TPTE: variants seen among roughly 807,000 people sequenced by gnomAD.
TPTE encodes putative tyrosine-protein phosphatase TPTE.
Under a neutral mutation model 84.1 loss-of-function variants are expected in TPTE, and 59 were observed. That is an observed-to-expected ratio of 0.70 (90% CI 0.57 to 0.87). The LOEUF is 0.87. TPTE is among the 40% of genes least tolerant of loss of function. The pLI is 0.00. For missense variants in TPTE, 382 were observed against 659.6 expected (o/e 0.58, Z 4.61); for synonymous variants, 130 against 223.5 (o/e 0.58, Z 3.73).
At chr21:10,536,825 A>ACCT (rs1397504129) in intron 3 of TPTE, among the ~76,000 whole-genome samples, 2 of 152,310 alleles carry the variant, frequency 1.3e-5, no homozygotes, top group African/African-American at 2.4e-5. Context: ...CATACTTAGG[A>ACCT]AAGTCAGATT....
At chr21:10,542,570 TC>T in intron 6 of TPTE, 122 bp downstream of exon 6, 1 of 1,235,638 alleles carries the variant, frequency 8.1e-7, no homozygotes, top group Non-Finnish European at 1.2e-6. Flanking sequence ...CATTCATCCA[TC>T]CATCCATCCA....
At chr21:10,572,450 C>CAAAAAAAAAAAAAAAAAAAAAAAAAA (rs58796102) in intron 14 of TPTE, among the ~76,000 whole-genome samples, 1 of 131,986 alleles carries the variant, frequency 7.6e-6, no homozygotes, top group African/African-American at 2.8e-5. Context: ...AGACTGTATC[C>CAAAAAAAAAAAAAAAAAAAAAAAAAA]AAAAAAAAAA....
At chr21:10,599,987 T>A (rs1236116578) in intron 21 of TPTE, among the ~76,000 whole-genome samples, 1 of 152,306 alleles carries the variant, frequency 6.6e-6, no homozygotes. Context: ...TTATTTTTCA[T>A]AGAGGCTGGG....
chr21:10,522,282 C>T (rs2073994707), intron 1 of TPTE, among the ~76,000 whole-genome samples: 1 of 152,284 alleles, frequency 6.6e-6, no homozygotes, highest in African/African-American at 2.4e-5. Context: ...TCTTGGCCGT[C>T]ACACTCACGC....
At chr21:10,528,078 C>A (rs552556607) in intron 3 of TPTE, among the ~76,000 whole-genome samples, 7 of 152,400 alleles carry the variant, frequency 4.6e-5, no homozygotes, top group African/African-American at 1.7e-4. Flanking sequence ...ATTTTTATTA[C>A]CAACACATAG....
chr21:10,598,889 C>G (rs1336801147), intron 21 of TPTE, among the ~76,000 whole-genome samples: 1 of 152,304 alleles, frequency 6.6e-6, no homozygotes, highest in Non-Finnish European at 1.5e-5. Flanking sequence ...TTTTTGGCCT[C>G]TCCCGACTGA....
At chr21:10,554,486 AAATATATTTGTTCT>A (rs2074640130) in intron 8 of TPTE, among the ~76,000 whole-genome samples, 1 of 152,312 alleles carries the variant, frequency 6.6e-6, no homozygotes, top group South Asian at 2.1e-4. Flanking sequence ...TGATATTAGT[AAATATATTTGTTCT>A]AATGCATGTT....
At chr21:10,528,338 G>C (rs2074117153) in intron 3 of TPTE, among the ~76,000 whole-genome samples, 1 of 152,312 alleles carries the variant, frequency 6.6e-6, no homozygotes, top group African/African-American at 2.4e-5. Context: ...ATATATTGGA[G>C]ATGGGAGGAA....
At chr21:10,523,642 G>C (rs1056262986) in intron 1 of TPTE, among the ~76,000 whole-genome samples, 4 of 152,392 alleles carry the variant, frequency 2.6e-5, no homozygotes, top group Admixed American at 1.3e-4. Flanking sequence ...ATTTTTTATG[G>C]CTGCATAGTA....
intron 10 of TPTE, among the ~76,000 whole-genome samples, chr21:10,562,880 G>C (rs1345133103): frequency 2.0e-5 from 3 of 152,308 alleles, no homozygotes; most frequent in African/African-American, 7.2e-5. Context: ...CCTACAGAAA[G>C]ATATCAATAT....
intron 3 of TPTE, among the ~76,000 whole-genome samples, chr21:10,531,453 T>C (rs1194559293): frequency 2.0e-5 from 3 of 152,312 alleles, no homozygotes; most frequent in Non-Finnish European, 4.4e-5. Flanking sequence ...GAAGCAGATG[T>C]TGGCATCAGG....
chr21:10,588,043 T>TA (rs2075398667), intron 17 of TPTE, among the ~76,000 whole-genome samples: 1 of 152,312 alleles, frequency 6.6e-6, no homozygotes, highest in Non-Finnish European at 1.5e-5. Flanking sequence ...AAGACAGAGT[T>TA]TCACTATGTT....
intron 1 of TPTE, among the ~76,000 whole-genome samples, chr21:10,522,531 A>G (rs1303838747): frequency 6.6e-6 from 1 of 152,310 alleles, no homozygotes. Context: ...GGTCAAAACA[A>G]TGCGTCTGGA....
In TPTE at chr21:10,536,615, CAG is replaced by C. The variant is rs1228150292; in HGVS notation, c.-43-2060_-43-2059del. Among the ~76,000 whole-genome samples, 18 of 152,414 alleles carry C rather than the reference CAG, an allele frequency of 1.2e-4. No homozygotes were observed. The South Asian group carries it at 2.1e-3, about 18-fold the overall frequency. ...AAAGAGAAAAGAGAGAGAGAATCGA[CAG>C]AGAGAAAGATGAAGATTATGTGCTT... On this transcript the variant is annotated intron_variant, in intron 3 of 23. Transcript: ENST00000618007.
At chr21:10,526,546 A>G (rs2074082537) in intron 2 of TPTE, among the ~76,000 whole-genome samples, 1 of 152,312 alleles carries the variant, frequency 6.6e-6, no homozygotes, top group Non-Finnish European at 1.5e-5. Flanking sequence ...ATCAGCAGCA[A>G]AAAAATGTAT....
At chr21:10,549,784 G>A (rs375933938) in intron 7 of TPTE, among the ~76,000 whole-genome samples, 2,370 of 151,328 alleles carry the variant, frequency 0.016, no homozygotes, top group South Asian at 0.061. Flanking sequence ...ATAAAATAGC[G>A]TAAAACTTCC....
chr21:10,557,303 AC>A, intron 8 of TPTE, among the ~76,000 whole-genome samples: 1 of 152,428 alleles, frequency 6.6e-6, no homozygotes, highest in Non-Finnish European at 1.5e-5. Context: ...TCTGCACATA[AC>A]TGCTTGAAGC....
chr21:10,563,663 A>G (rs1253976067), intron 10 of TPTE, among the ~76,000 whole-genome samples: 3 of 152,260 alleles, frequency 2.0e-5, no homozygotes, highest in African/African-American at 4.8e-5. Flanking sequence ...AAAATAAAAA[A>G]CAAGAAACTA....
At chr21:10,530,549 A>G (rs1464594104) in intron 3 of TPTE, among the ~76,000 whole-genome samples, 3 of 152,306 alleles carry the variant, frequency 2.0e-5, no homozygotes, top group Non-Finnish European at 4.4e-5. Context: ...GAAAAATTGC[A>G]CAGCATGCAT....
Sources: gnomAD v4.1 joint callset for allele counts (sites outside exome capture counted in the v4.1 genomes callset) on GRCh38, gnomAD v4.1.1 for gene constraint, MANE v1.5 for transcripts, NCBI Gene and HGNC (gene_info 2026-07-23, HGNC 2026-07-21) for gene names.